The following SYT10 variants were observed in gnomAD, a reference collection of about 807,000 sequenced individuals.
SYT10 encodes synaptotagmin-10.
SYT10 carries 31 observed loss-of-function variants against 51.1 expected under a neutral mutation model. That is an observed-to-expected ratio of 0.61 (90% CI 0.46 to 0.82). SYT10 has a LOEUF of 0.82. Among genes scored for constraint, SYT10 ranks in the 40% least tolerant of loss-of-function variants. SYT10 has a pLI of 0.00. For synonymous variants in SYT10, 233 were observed against 225.9 expected (o/e 1.03, Z -0.28); for missense variants, 603 against 634.0 (o/e 0.95, Z 0.53).
At chr12:33,398,512 C>A (rs899025825) in intron 3 of SYT10, among the ~76,000 whole-genome samples, 1 of 151,870 alleles carries the variant, frequency 6.6e-6, no homozygotes, top group African/African-American at 2.4e-5. Context: ...AACTCTGTCT[C>A]AAAACAAACA....
chr12:33,404,454 C>T (rs1273880222), intron 3 of SYT10, among the ~76,000 whole-genome samples: 26 of 152,078 alleles, frequency 1.7e-4, no homozygotes, highest in South Asian at 6.2e-4. Context: ...GCAGTGGCTG[C>T]GATCTCAGCT....
chr12:33,439,579 C>T lies in SYT10; in HGVS notation c.-57G>A. 1.3e-5 allele frequency: 21 copies of T among 1,586,966 alleles called. No homozygotes were observed. The highest frequency in any genetic ancestry group is 1.8e-5 in the Non-Finnish European group (21 of 1,165,100). The stretch of plus-strand genomic sequence containing the variant: ...TCCCAGTTAGCCGTCTTTTCCTCTT[C>T]CCGTACCTCTAACCCCTCTGGCGCC... On this transcript the variant is annotated 5_prime_UTR_variant, in exon 1 of 7. Coordinates refer to ENST00000228567, the MANE Select transcript of SYT10 (RefSeq NM_198992.4).
intron 3 of SYT10, among the ~76,000 whole-genome samples, chr12:33,396,117 C>T (rs1413925783): frequency 2.0e-5 from 3 of 152,128 alleles, no homozygotes; most frequent in African/African-American, 2.4e-5. Flanking sequence ...ACATGAGACT[C>T]TCAAAATCCT....
intron 3 of SYT10, among the ~76,000 whole-genome samples, chr12:33,387,819 TG>T (rs199759336): frequency 0.011 from 1,630 of 147,546 alleles, 24 homozygotes; most frequent in African/African-American, 0.038. Flanking sequence ...GTGCAACCAT[TG>T]CTCATGGCAG....
At position 33,407,104 on chromosome 12, in the gene SYT10, TTTGA is replaced by T; in HGVS notation, c.758_761del (p.Ile253LysfsTer3). On this transcript the variant is annotated frameshift_variant, in exon 3 of 7. Coordinates refer to ENST00000228567, the MANE Select transcript of SYT10 (RefSeq NM_198992.4). LOFTEE classifies it high-confidence loss of function. The stretch of plus-strand genomic sequence containing the variant: ...AGTCTTTAGCAGGGAGATCTAAAGC[TTTGA>T]TAATTTTAACAACTAGAAGTTCATT... 6.2e-7 allele frequency: 1 copy of T among 1,613,632 alleles called. No individual in the cohort carries two copies. Among genetic ancestry groups the T allele is most frequent in the Non-Finnish European group, 8.5e-7 (1 of 1,179,870 alleles).
chr12:33,378,177 C>T (rs985731635), intron 6 of SYT10, among the ~76,000 whole-genome samples: 34 of 152,182 alleles, frequency 2.2e-4, no homozygotes, highest in Non-Finnish European at 4.4e-5. Context: ...TTTACACAAT[C>T]TTGTTCTCAA....
Position 33,439,444 on chromosome 12 carries a change from C to T in SYT10, c.79G>A (p.Gly27Ser). 15 of 1,614,240 alleles carry T rather than the reference C, an allele frequency of 9.3e-6. No homozygotes were observed. The highest frequency in any genetic ancestry group is 1.0e-5 in the Non-Finnish European group (12 of 1,180,036). ...LHIVTELCFAGQVEWEKCSGI... is the reference protein window; with the variant it reads ...LHIVTELCFASQVEWEKCSGI... Reference sequence around the variant, plus strand: ...GAGCACTTCTCCCACTCCACCTGGCCGGCGAAGCACAGCTCGGTGACGATG... The same window carrying T: ...GAGCACTTCTCCCACTCCACCTGGCTGGCGAAGCACAGCTCGGTGACGATG... Residue 27 changes from glycine (G) to serine (S), a missense_variant, in exon 1 of 7, where the codon GGC (glycine) becomes AGC (serine). By Grantham distance (56) the Gly-to-Ser change is moderately conservative (BLOSUM62 0). Transcript: ENST00000228567.
At chr12:33,427,360 C>G (rs1270500341) in intron 1 of SYT10, among the ~76,000 whole-genome samples, 5 of 152,062 alleles carry the variant, frequency 3.3e-5, no homozygotes, top group Non-Finnish European at 7.3e-5. Flanking sequence ...TAGAACTTGA[C>G]CCTGTACATT....
chr12:33,395,883 C>A (rs540287340), intron 3 of SYT10, among the ~76,000 whole-genome samples: 2 of 151,996 alleles, frequency 1.3e-5, no homozygotes, highest in Admixed American at 1.3e-4. Flanking sequence ...CTTTTCCTTT[C>A]TCTTTAGTAT....
At chr12:33,431,227 T>C (rs1446309447) in intron 1 of SYT10, among the ~76,000 whole-genome samples, 1 of 152,192 alleles carries the variant, frequency 6.6e-6, no homozygotes, top group African/African-American at 2.4e-5. Context: ...TGCACATCAT[T>C]GCTAACTTCC....
In SYT10 at chr12:33,393,622, G is replaced by A. The variant is rs76904350; in HGVS notation, c.1078-8331C>T. ...GCCACAGATCTTATTGATTCTAAGG[G>A]AGTCTATGGCTCACTTCTCAACAAA... On this transcript the variant is annotated intron_variant, in intron 3 of 6. Transcript: ENST00000228567. Among the ~76,000 whole-genome samples, 1,204 of 150,394 alleles carry A rather than the reference G, an allele frequency of 8.0e-3. 13 individuals are homozygous for A. Among genetic ancestry groups the A allele is most frequent in the African/African-American group, 0.028 (1,142 of 41,138 alleles).
At position 33,426,390 on chromosome 12, in the gene SYT10, CT is replaced by C. The variant is rs1165010871; in HGVS notation, c.256del (p.Ser86AlafsTer4). ...FWKLCWPCWK[S>X]KPVTSNITTL... ...AGTGATGTTGGAAGTCACAGGTTTG[CT>C]TTTCCAGCATGGCCAACACAGCTTC... is the stretch of plus-strand genomic sequence containing the variant. On this transcript the variant is annotated frameshift_variant, in exon 2 of 7. Coordinates refer to ENST00000228567, the MANE Select transcript of SYT10 (RefSeq NM_198992.4). LOFTEE classifies it high-confidence loss of function. The C allele has an allele frequency of 6.2e-7, 1 of 1,614,058 alleles. No individual in the cohort carries two copies. Among genetic ancestry groups the C allele is most frequent in the East Asian group, 2.2e-5 (1 of 44,868 alleles).
intron 2 of SYT10, 68 bp downstream of exon 2, chr12:33,426,070 A>T (rs1591997200): frequency 8.7e-7 from 1 of 1,152,368 alleles, no homozygotes; most frequent in Non-Finnish European, 1.1e-6. Context: ...TTTCACACAC[A>T]CACACACACA....
chr12:33,408,324 G>C (rs1866377016), intron 2 of SYT10: 1 of 151,840 alleles, frequency 6.6e-6, no homozygotes, highest in South Asian at 2.1e-4. Flanking sequence ...AAACTCTAAG[G>C]ATAAAAACAA....
In SYT10 at chr12:33,379,946, C is replaced by G; in HGVS notation, c.1386G>C (p.Glu462Asp). 1.2e-6 allele frequency: 2 copies of G among 1,613,300 alleles called. No homozygotes were observed. The highest frequency in any genetic ancestry group is 1.7e-6 in the Non-Finnish European group (2 of 1,179,492). The change falls in exon 6 of 7, where the codon GAG becomes GAC. Residue 462 changes from glutamate (E) to aspartate (D), a missense_variant. Coordinates refer to ENST00000228567, the MANE Select transcript of SYT10 (RefSeq NM_198992.4). ...GTCCTGTTCTGCACACTCCTATGAC[C>G]TCATTGTGTCCTACCCTATGATTTG... ...VMDYDRVGHN[E>D]VIGVCRTGLD...
rs1866670468 is a variant in SYT10, at chr12:33,439,771, CCGCGCGAGCGAGCCGAGG to C, written c.-267_-250del. 4.0e-6 allele frequency: 2 copies of C among 500,582 alleles called. No individual in the cohort carries two copies. The highest frequency in any genetic ancestry group is 7.6e-5 in the Admixed American group (2 of 26,330). The allele number at this position is 500,582 out of a possible 1,614,324, so 31.0% of individuals were successfully genotyped here. On this transcript the variant is annotated 5_prime_UTR_variant, in exon 1 of 7. Transcript: ENST00000228567. ...CGCGAGGTTTGCGCCAACTCTCCCG[CCGCGCGAGCGAGCCGAGG>C]CGCGCTGGAACTAGAGACCCGGCAT...
intron 3 of SYT10, among the ~76,000 whole-genome samples, chr12:33,393,319 T>A (rs1866226521): frequency 6.6e-6 from 1 of 152,190 alleles, no homozygotes; most frequent in Admixed American, 6.5e-5. Flanking sequence ...GAGATAATCA[T>A]AAGCTTCTGG....
chr12:33,409,000 A>G (rs1235587509), intron 2 of SYT10, among the ~76,000 whole-genome samples: 1 of 150,778 alleles, frequency 6.6e-6, no homozygotes, highest in Admixed American at 6.6e-5. Context: ...TTATCTCCAT[A>G]TATTTTGCTT....
chr12:33,429,823 G>A (rs774428665), intron 1 of SYT10, among the ~76,000 whole-genome samples: 2 of 152,102 alleles, frequency 1.3e-5, no homozygotes, highest in Non-Finnish European at 2.9e-5. Flanking sequence ...TAATGACAAG[G>A]GTTTGAGTAT....
Sources: allele counts gnomAD v4.1 joint callset (sites outside exome capture counted in the v4.1 genomes callset), GRCh38; gene constraint gnomAD v4.1.1; transcripts MANE v1.5; gene names NCBI Gene and HGNC (gene_info 2026-07-23, HGNC 2026-07-21).